OPHN1: variants seen among roughly 807,000 people sequenced by gnomAD.
OPHN1 encodes the protein oligophrenin 1.
Under a neutral mutation model 60.7 loss-of-function variants are expected in OPHN1, and 11 were observed. That is an observed-to-expected ratio of 0.18 (90% CI 0.11 to 0.30). OPHN1 has a LOEUF of 0.30. Among genes scored for constraint, OPHN1 ranks in the 10% least tolerant of loss-of-function variants. The probability of loss-of-function intolerance (pLI) is 1.00; values close to 1 mark genes in which losing one functional copy is unlikely to be tolerated. For synonymous variants in OPHN1, 226 were observed against 222.6 expected (o/e 1.02, Z -0.14); for missense variants, 449 against 611.0 (o/e 0.73, Z 2.80).
rs918971930 is a variant in OPHN1, at chrX:68,342,610, A to G, written c.155-43514T>C. On this transcript the variant is annotated intron_variant, in intron 2 of 24. Coordinates refer to ENST00000355520, the MANE Select transcript of OPHN1 (RefSeq NM_002547.3). Reference sequence around the variant, plus strand: ...ACTCAAAAAGTAAAAGAAAGCAGTAACAAAAGATCACATGTGGTTTGATTC... The same window carrying G: ...ACTCAAAAAGTAAAAGAAAGCAGTAGCAAAAGATCACATGTGGTTTGATTC... Among the ~76,000 whole-genome samples, 3 of 112,129 alleles carry G rather than the reference A, an allele frequency of 2.7e-5. No homozygotes were observed. The Admixed American group carries it at 2.9e-4, about 11-fold the overall frequency.
intron 9 of OPHN1, among the ~76,000 whole-genome samples, chrX:68,207,288 C>G (rs1310367457): frequency 9.2e-6 from 1 of 108,561 alleles, no homozygotes; most frequent in African/African-American, 3.4e-5. Flanking sequence ...ACCACCACGC[C>G]CGGCTAACTT....
At chrX:68,324,026 A>G (rs1371246923) in intron 2 of OPHN1, among the ~76,000 whole-genome samples, 1 of 112,005 alleles carries the variant, frequency 8.9e-6, no homozygotes, top group African/African-American at 3.2e-5. Context: ...TTGTAGAAGC[A>G]TTCCTATTAA....
chrX:68,249,620 TG>T (rs1427454502), intron 5 of OPHN1, among the ~76,000 whole-genome samples: 1 of 111,866 alleles, frequency 8.9e-6, no homozygotes, highest in African/African-American at 3.3e-5. Context: ...TGGAATCACT[TG>T]GGCTGGCAAG....
At chrX:68,286,035 G>A (rs145347133) in intron 3 of OPHN1, among the ~76,000 whole-genome samples, 1,422 of 110,926 alleles carry the variant, frequency 0.013, 20 homozygotes, top group African/African-American at 0.044. Flanking sequence ...TTCCTCGGGG[G>A]CAGGTTCTAT....
At chrX:68,327,019 G>A (rs1384455815) in intron 2 of OPHN1, among the ~76,000 whole-genome samples, 2 of 50,085 alleles carry the variant, frequency 4.0e-5, no homozygotes, top group East Asian at 5.6e-4. Context: ...CGCCCCGTCC[G>A]GGAGGGAGGT....
chrX:68,064,926 A>G (rs2076907578), intron 20 of OPHN1, among the ~76,000 whole-genome samples: 2 of 111,732 alleles, frequency 1.8e-5, no homozygotes, highest in South Asian at 7.6e-4. Context: ...GCAGTGGTTA[A>G]GAACAGAGGT....
chrX:68,099,098 C>T (rs1330139775), intron 18 of OPHN1, among the ~76,000 whole-genome samples: 1 of 111,496 alleles, frequency 9.0e-6, no homozygotes, highest in Non-Finnish European at 1.9e-5. Flanking sequence ...TACTTGGCAT[C>T]CCATTTAGGA....
chrX:68,323,458 C>G lies in OPHN1; in HGVS notation c.155-24362G>C, dbSNP rs758786029. On this transcript the variant is annotated intron_variant, in intron 2 of 24. Coordinates refer to ENST00000355520, the MANE Select transcript of OPHN1 (RefSeq NM_002547.3). Reference sequence around the variant, plus strand: ...CCCCTACACACACACACTATGTATCCTAATTTCTGCTTATTTGTATCGTTA... The same window carrying G: ...CCCCTACACACACACACTATGTATCGTAATTTCTGCTTATTTGTATCGTTA... Among the ~76,000 whole-genome samples, 28 of 111,762 alleles carry G rather than the reference C, an allele frequency of 2.5e-4. No individual in the cohort carries two copies. In the South Asian group the frequency reaches 0.01, roughly 40 times the overall value.
chrX:68,071,657 GTTGT>G, intron 20 of OPHN1: 1 of 547,879 alleles, frequency 1.8e-6, no homozygotes, highest in Middle Eastern at 3.8e-4. Flanking sequence ...TAATCCTCTG[GTTGT>G]TTGTTATCTG....
intron 2 of OPHN1, among the ~76,000 whole-genome samples, chrX:68,346,844 T>C (rs1447180998): frequency 8.9e-6 from 1 of 112,000 alleles, no homozygotes; most frequent in Non-Finnish European, 1.9e-5. Context: ...ATACTCCAAA[T>C]TCTGTTCATC....
intron 6 of OPHN1, among the ~76,000 whole-genome samples, chrX:68,227,324 C>T (rs1475610844): frequency 9.0e-6 from 1 of 110,641 alleles, no homozygotes; most frequent in Non-Finnish European, 1.9e-5. Context: ...TTTGACACCC[C>T]ACTGTCAACA....
At chrX:68,266,911 A>G (rs981235647) in intron 5 of OPHN1, among the ~76,000 whole-genome samples, 2 of 111,574 alleles carry the variant, frequency 1.8e-5, no homozygotes, top group African/African-American at 6.5e-5. Context: ...TAAACCAACA[A>G]AGATCAAAAG....
At chrX:68,155,186 G>T (rs924641091) in intron 15 of OPHN1, among the ~76,000 whole-genome samples, 3 of 111,516 alleles carry the variant, frequency 2.7e-5, no homozygotes, top group Non-Finnish European at 5.7e-5. Context: ...GAACATAAAG[G>T]CACAGATCAC....
intron 9 of OPHN1, 199 bp downstream of exon 9, chrX:68,209,954 C>A: frequency 8.4e-6 from 4 of 479,000 alleles, no homozygotes; most frequent in Non-Finnish European, 1.5e-5. Flanking sequence ...ACTACACAGC[C>A]TTTGTAAGAC....
intron 5 of OPHN1, among the ~76,000 whole-genome samples, chrX:68,253,499 T>C (rs1181464565): frequency 8.9e-6 from 1 of 111,938 alleles, no homozygotes; most frequent in Non-Finnish European, 1.9e-5. Context: ...TAACCATCTA[T>C]GCTCCTGGGT....
intron 2 of OPHN1, among the ~76,000 whole-genome samples, chrX:68,378,020 T>G (rs1321903262): frequency 3.6e-5 from 4 of 112,153 alleles, no homozygotes; most frequent in Non-Finnish European, 5.6e-5. Context: ...ACTTCCACAA[T>G]GGTTGAACTA....
intron 15 of OPHN1, among the ~76,000 whole-genome samples, chrX:68,135,378 G>A (rs1602181705): frequency 8.9e-6 from 1 of 112,204 alleles, no homozygotes; most frequent in East Asian, 2.8e-4. Flanking sequence ...AAAGAAGGGA[G>A]AGTATTAAAA....
intron 15 of OPHN1, among the ~76,000 whole-genome samples, chrX:68,156,933 TACAGTGC>T (rs988100132): frequency 9.0e-6 from 1 of 111,267 alleles, no homozygotes; most frequent in Non-Finnish European, 1.9e-5. Context: ...CCAAGATGCT[TACAGTGC>T]ACATAGTATG....
At chrX:68,199,581 G>A (rs2077526169) in intron 11 of OPHN1, among the ~76,000 whole-genome samples, 1 of 112,233 alleles carries the variant, frequency 8.9e-6, no homozygotes, top group Non-Finnish European at 1.9e-5. Flanking sequence ...GAGTACAGCT[G>A]CCTGATGCCT....
Sources: allele counts gnomAD v4.1 joint callset (sites outside exome capture counted in the v4.1 genomes callset), GRCh38; gene constraint gnomAD v4.1.1; transcripts MANE v1.5; gene names NCBI Gene and HGNC (gene_info 2026-07-23, HGNC 2026-07-21).